ECPAS: variants seen among roughly 807,000 people sequenced by gnomAD.
The protein encoded by ECPAS is Ecm29 proteasome adaptor and scaffold.
Under a neutral mutation model 255.1 loss-of-function variants are expected in ECPAS, and 70 were observed. The observed-to-expected ratio is 0.27, with a 90% CI of 0.23 to 0.33. ECPAS has a LOEUF of 0.33. Among genes scored for constraint, ECPAS ranks in the 10% least tolerant of loss-of-function variants. The pLI is 1.00. For missense variants in ECPAS, 1,817 were observed against 2,206.4 expected (o/e 0.82, Z 3.54); for synonymous variants, 784 against 775.0 (o/e 1.01, Z -0.19).
At chr9:111,376,325 AAG>A in intron 37 of ECPAS, 149 bp downstream of exon 37, 1 of 602,660 alleles carries the variant, frequency 1.7e-6, no homozygotes, top group Non-Finnish European at 3.0e-6. Context: ...CAGAGAAGAA[AAG>A]AGAAATATAC....
Position 111,373,957 on chromosome 9 carries a change from C to A in ECPAS, c.4177+15G>T. Reference sequence around the variant, plus strand: ...CTGTGCAAAAATATCACCACACATCCCTTGACAAACTCACCTGAGTAAGGT... The same window carrying A: ...CTGTGCAAAAATATCACCACACATCACTTGACAAACTCACCTGAGTAAGGT... On this transcript the variant is annotated intron_variant, in intron 39 of 49. Transcript: ENST00000684092. The A allele has an allele frequency of 6.2e-7, 1 of 1,600,302 alleles. No homozygotes were observed. Among genetic ancestry groups the A allele is most frequent in the Non-Finnish European group, 8.6e-7 (1 of 1,167,554 alleles).
chr9:111,422,051 G>A lies in ECPAS; in HGVS notation c.1333-8C>T. The A allele has an allele frequency of 6.2e-7, 1 of 1,613,546 alleles. No homozygotes were observed. Among genetic ancestry groups the A allele is most frequent in the South Asian group, 1.1e-5 (1 of 91,048 alleles). ...TCGAGTCTCAGGCTCTTCCTATAAAGATGATAAAAATGTTTCCCTCCTTGT... is the reference window on the plus strand; with the variant it reads ...TCGAGTCTCAGGCTCTTCCTATAAAAATGATAAAAATGTTTCCCTCCTTGT... On this transcript the variant is annotated splice_region_variant and splice_polypyrimidine_tract_variant and intron_variant, in intron 14 of 49. Transcript: ENST00000684092.
chr9:111,441,667 C>G (rs1444397877), intron 5 of ECPAS, among the ~76,000 whole-genome samples: 1 of 152,180 alleles, frequency 6.6e-6, no homozygotes, highest in South Asian at 2.1e-4. Context: ...AAACATCTGA[C>G]AACAATTACA....
At chr9:111,480,929 G>C (rs2098303925) in intron 1 of ECPAS, among the ~76,000 whole-genome samples, 1 of 152,192 alleles carries the variant, frequency 6.6e-6, no homozygotes, top group Non-Finnish European at 1.5e-5. Flanking sequence ...GAAGCACACT[G>C]CATAGACACA....
At chr9:111,467,950 C>T (rs746316269) in intron 2 of ECPAS, among the ~76,000 whole-genome samples, 2 of 152,044 alleles carry the variant, frequency 1.3e-5, no homozygotes, top group Non-Finnish European at 2.9e-5. Flanking sequence ...GTCAGGAGTT[C>T]AAGACCAGCC....
intron 12 of ECPAS, among the ~76,000 whole-genome samples, 172 bp downstream of exon 12, chr9:111,425,246 A>G (rs905734325): frequency 1.1e-4 from 16 of 152,176 alleles, no homozygotes; most frequent in African/African-American, 3.6e-4. Context: ...TTTCCCCCCA[A>G]AAAAGCAAAA....
At chr9:111,395,101 G>A (rs968365484) in intron 25 of ECPAS, among the ~76,000 whole-genome samples, 7 of 151,932 alleles carry the variant, frequency 4.6e-5, no homozygotes, top group Admixed American at 1.3e-4. Context: ...ATTCCCCTCC[G>A]CCCCTTGTCC....
chr9:111,382,792 T>C (rs1173481803), intron 35 of ECPAS, among the ~76,000 whole-genome samples: 1 of 152,224 alleles, frequency 6.6e-6, no homozygotes, highest in African/African-American at 2.4e-5. Context: ...CCTACACTAT[T>C]GGTTTTAACT....
intron 7 of ECPAS, 100 bp downstream of exon 7, chr9:111,436,840 G>A: frequency 2.0e-6 from 2 of 1,005,722 alleles, no homozygotes; most frequent in Non-Finnish European, 2.8e-6. Context: ...TTTCACTGGA[G>A]AGCCTGAATA....
intron 9 of ECPAS, among the ~76,000 whole-genome samples, chr9:111,429,722 A>C (rs998922932): frequency 1.3e-5 from 2 of 152,224 alleles, no homozygotes; most frequent in Non-Finnish European, 2.9e-5. Context: ...GCAAAAAGGC[A>C]GACAGGTGCA....
chr9:111,408,642 A>G lies in ECPAS; in HGVS notation c.2581T>C (p.Tyr861His). Residue 861 changes from tyrosine (Y) to histidine (H), a missense_variant, in exon 24 of 50, where the codon TAT becomes CAT. By Grantham distance (83) the Tyr-to-His change is moderately conservative (BLOSUM62 2). Coordinates refer to ENST00000684092, the MANE Select transcript of ECPAS (RefSeq NM_001364929.1). ...AAATCTCCATCCCCAACTGGAAAAT[A>G]TCCCAGTGTTTGGATTGCTCGTTCT... ...MKERAIQTLG[Y>H]FPVGDGDFPH... The G allele has an allele frequency of 1.3e-6, 2 of 1,591,436 alleles. No individual in the cohort carries two copies. Among genetic ancestry groups the G allele is most frequent in the Non-Finnish European group, 1.7e-6 (2 of 1,169,048 alleles).
At chr9:111,397,324 G>C (rs2098169053) in intron 24 of ECPAS, among the ~76,000 whole-genome samples, 171 bp from the exon 25 acceptor site, 2 of 152,248 alleles carry the variant, frequency 1.3e-5, no homozygotes, top group South Asian at 4.1e-4. Flanking sequence ...TGGTGAGGGA[G>C]TGGAGGATAT....
chr9:111,475,468 C>A (rs1307820440), intron 1 of ECPAS, among the ~76,000 whole-genome samples: 1 of 152,186 alleles, frequency 6.6e-6, no homozygotes, highest in East Asian at 1.9e-4. Flanking sequence ...GGTGCAGTGG[C>A]TCAAGCCAAT....
intron 17 of ECPAS, among the ~76,000 whole-genome samples, 175 bp downstream of exon 17, chr9:111,417,708 T>C (rs559829541): frequency 5.3e-5 from 8 of 150,434 alleles, no homozygotes; most frequent in Non-Finnish European, 1.0e-4. Flanking sequence ...ACCGTGCCAT[T>C]GCACTCCAGC....
At chr9:111,466,186 C>G (rs1419098179) in intron 2 of ECPAS, among the ~76,000 whole-genome samples, 1 of 152,134 alleles carries the variant, frequency 6.6e-6, no homozygotes, top group South Asian at 2.1e-4. Flanking sequence ...CGGTGGCTCA[C>G]ACCTGTAATC....
rs555459450 is a variant in ECPAS, at chr9:111,376,349, T to C, written c.4020+127A>G. The C allele has an allele frequency of 2.0e-4, 134 of 673,100 alleles. No homozygotes were observed. The South Asian group carries it at 2.3e-3, about 11-fold the overall frequency. 41.7% of individuals were successfully genotyped at this position (673,100 alleles called of 1,614,324 possible). A position where few individuals can be genotyped will look rare whatever the true frequency, so the allele number is the denominator to read the frequency against. On this transcript the variant is annotated intron_variant, in intron 37 of 49. Coordinates refer to ENST00000684092, the MANE Select transcript of ECPAS (RefSeq NM_001364929.1). ...AAAGAGAAATATACTAAGAAAAAAC[T>C]GGAGTCACAACAGCTGCTTGACTCA...
In ECPAS at chr9:111,374,116, A is replaced by C. The variant is rs369153708; in HGVS notation, c.4111-78T>G. ...TACCAAACCATTGGCTTAGGTGCCA[A>C]AAATTTAAACATATAAAATACATGA... On this transcript the variant is annotated intron_variant, in intron 38 of 49. Transcript: ENST00000684092. The C allele has an allele frequency of 7.3e-6, 8 of 1,097,504 alleles. No individual in the cohort carries two copies. In the African/African-American group the frequency reaches 1.1e-4, roughly 15 times the overall value. 68.0% of individuals were successfully genotyped at this position (1,097,504 alleles called of 1,614,324 possible).
chr9:111,425,166 A>T (rs2098219642), intron 12 of ECPAS, among the ~76,000 whole-genome samples: 1 of 151,590 alleles, frequency 6.6e-6, no homozygotes, highest in African/African-American at 2.4e-5. Flanking sequence ...AGCCTGGGCA[A>T]CTAGAGCAAA....
In ECPAS at chr9:111,363,589, T is replaced by C; in HGVS notation, c.5379A>G (p.Glu1793=). The change falls in exon 49 of 50, where the codon GAA becomes GAG. Residue 1793 remains glutamate (E), a splice_region_variant and synonymous_variant. Coordinates refer to ENST00000684092, the MANE Select transcript of ECPAS (RefSeq NM_001364929.1). ...CAGTCAGAACTAACAACAACTTACC[T>C]TCAAGTTTTTTAAGCAGCAATTCTA... ...SVIELLLKKL[E]ESKQWECLTS... The C allele has an allele frequency of 6.4e-7, 1 of 1,562,212 alleles. No homozygotes were observed. The highest frequency in any genetic ancestry group is 2.3e-5 in the East Asian group (1 of 43,754).
Sources: allele counts gnomAD v4.1 joint callset (sites outside exome capture counted in the v4.1 genomes callset), GRCh38; gene constraint gnomAD v4.1.1; transcripts MANE v1.5; gene names NCBI Gene and HGNC (gene_info 2026-07-23, HGNC 2026-07-21).